COL25A1: variants seen among roughly 807,000 people sequenced by gnomAD.
The protein encoded by COL25A1 is collagen type XXV alpha 1 chain.
Under a neutral mutation model 128.4 loss-of-function variants are expected in COL25A1, and 103 were observed. That is an observed-to-expected ratio of 0.80 (90% CI 0.68 to 0.94). The LOEUF (loss-of-function observed/expected upper bound fraction) is 0.94. Among genes scored for constraint, COL25A1 ranks in the 40% least tolerant of loss-of-function variants. COL25A1 has a pLI of 0.00. For missense variants in COL25A1, 745 were observed against 840.0 expected (o/e 0.89, Z 1.40); for synonymous variants, 279 against 277.2 (o/e 1.01, Z -0.06).
chr4:108,942,112 G>C, intron 8 of COL25A1: 1 of 1,230,402 alleles, frequency 8.1e-7, no homozygotes, highest in Non-Finnish European at 1.2e-6. Flanking sequence ...TACCATGAGA[G>C]GAAGCCAACG....
intron 3 of COL25A1, among the ~76,000 whole-genome samples, chr4:109,170,987 G>A (rs968651894): frequency 2.0e-5 from 3 of 152,092 alleles, no homozygotes; most frequent in African/African-American, 7.2e-5. Flanking sequence ...AGCTGCATGA[G>A]GGAAAGGACT....
intron 3 of COL25A1, among the ~76,000 whole-genome samples, chr4:109,279,310 T>C (rs1223066693): frequency 6.6e-6 from 1 of 152,158 alleles, no homozygotes; most frequent in Non-Finnish European, 1.5e-5. Context: ...TTAGGATTTT[T>C]AAAAAATATA....
chr4:109,196,041 A>G (rs1011243268), intron 3 of COL25A1, among the ~76,000 whole-genome samples: 3 of 152,218 alleles, frequency 2.0e-5, no homozygotes, highest in Non-Finnish European at 2.9e-5. Flanking sequence ...GTAATTGACC[A>G]AAGAGTAAAT....
chr4:109,069,744 T>C (rs968137128), intron 3 of COL25A1, among the ~76,000 whole-genome samples: 1 of 152,200 alleles, frequency 6.6e-6, no homozygotes, highest in Non-Finnish European at 1.5e-5. Context: ...TATCCCTCTA[T>C]GGCGCTATTT....
intron 3 of COL25A1, among the ~76,000 whole-genome samples, chr4:109,284,702 G>A (rs548404324): frequency 6.6e-5 from 10 of 152,100 alleles, no homozygotes; most frequent in Non-Finnish European, 1.0e-4. Flanking sequence ...TGAAGGCAAA[G>A]GAAGCTGGAA....
intron 11 of COL25A1, among the ~76,000 whole-genome samples, chr4:108,925,741 G>A (rs1363352392): frequency 6.6e-6 from 1 of 152,138 alleles, no homozygotes; most frequent in Non-Finnish European, 1.5e-5. Context: ...TTGTTCACCT[G>A]ACTCATTCTA....
At chr4:108,879,811 A>T (rs1319306086) in intron 19 of COL25A1, among the ~76,000 whole-genome samples, 3 of 149,780 alleles carry the variant, frequency 2.0e-5, no homozygotes, top group Admixed American at 6.7e-5. Flanking sequence ...ATTTATTTTT[A>T]TTTATTTATT....
At chr4:109,028,621 G>A (rs1758539474) in intron 5 of COL25A1, among the ~76,000 whole-genome samples, 1 of 152,150 alleles carries the variant, frequency 6.6e-6, no homozygotes, top group Admixed American at 6.5e-5. Context: ...AGCTACTTGG[G>A]AGGCTGAGGC....
chr4:108,866,898 T>C (rs1738000725), intron 20 of COL25A1, among the ~76,000 whole-genome samples: 3 of 152,194 alleles, frequency 2.0e-5, no homozygotes, highest in African/African-American at 7.2e-5. Context: ...CAGCTGACAA[T>C]TAACCTCAAA....
At chr4:108,976,977 C>T (rs910473694) in intron 6 of COL25A1, among the ~76,000 whole-genome samples, 1 of 152,062 alleles carries the variant, frequency 6.6e-6, no homozygotes, top group African/African-American at 2.4e-5. Flanking sequence ...AAAAATGAAA[C>T]TCAAAGACTA....
intron 3 of COL25A1, among the ~76,000 whole-genome samples, chr4:109,105,049 C>T (rs1162089036): frequency 6.6e-6 from 1 of 152,118 alleles, no homozygotes; most frequent in Admixed American, 6.5e-5. Context: ...TCAAGATAAT[C>T]CTGGTGGTAG....
intron 24 of COL25A1, 94 bp downstream of exon 24, chr4:108,859,562 G>C: frequency 1.0e-6 from 1 of 964,420 alleles, no homozygotes; most frequent in Non-Finnish European, 1.6e-6. Flanking sequence ...GTCCTCTGAG[G>C]ATAGAGGGTG....
chr4:109,289,072 A>G (rs1165507866), intron 3 of COL25A1, among the ~76,000 whole-genome samples: 2 of 152,034 alleles, frequency 1.3e-5, no homozygotes, highest in Admixed American at 6.6e-5. Context: ...GTAATGTAGG[A>G]AAAAATTTGT....
At chr4:109,110,735 A>G (rs1016692932) in intron 3 of COL25A1, among the ~76,000 whole-genome samples, 1 of 152,016 alleles carries the variant, frequency 6.6e-6, no homozygotes, top group Non-Finnish European at 1.5e-5. Flanking sequence ...GCAATTGTCT[A>G]CCCAGAAATT....
chr4:108,895,239 T>C (rs1741986670), intron 16 of COL25A1, among the ~76,000 whole-genome samples: 1 of 152,224 alleles, frequency 6.6e-6, no homozygotes, highest in Admixed American at 6.5e-5. Context: ...TTTGCAGCTA[T>C]GTTTTTATGA....
intron 3 of COL25A1, among the ~76,000 whole-genome samples, chr4:109,113,790 T>C (rs182650888): frequency 3.7e-4 from 56 of 152,186 alleles, no homozygotes; most frequent in African/African-American, 1.3e-3. Context: ...AGGCAACATA[T>C]GTAGTACAAA....
At chr4:109,015,486 T>G (rs775163728) in intron 5 of COL25A1, among the ~76,000 whole-genome samples, 1 of 152,150 alleles carries the variant, frequency 6.6e-6, no homozygotes, top group Non-Finnish European at 1.5e-5. Context: ...AACCTGAATC[T>G]AGTAAACGTA....
chr4:108,887,390 C>T (rs1740960583), intron 18 of COL25A1, among the ~76,000 whole-genome samples: 1 of 152,150 alleles, frequency 6.6e-6, no homozygotes, highest in Admixed American at 6.6e-5. Context: ...TAATCTACAT[C>T]AGCAGCAAGC....
At chr4:109,094,553 T>A (rs1255391514) in intron 3 of COL25A1, among the ~76,000 whole-genome samples, 1 of 152,230 alleles carries the variant, frequency 6.6e-6, no homozygotes, top group Non-Finnish European at 1.5e-5. Flanking sequence ...TCTACCCCCT[T>A]CTTGTAACTA....
Sources: gnomAD v4.1 joint callset for allele counts (sites outside exome capture counted in the v4.1 genomes callset) on GRCh38, gnomAD v4.1.1 for gene constraint, MANE v1.5 for transcripts, NCBI Gene and HGNC (gene_info 2026-07-23, HGNC 2026-07-21) for gene names.